The following WDPCP variants were observed in gnomAD, a reference collection of about 807,000 sequenced individuals.
WDPCP encodes the protein WD repeat containing planar cell polarity effector, also known as WD repeat-containing and planar cell polarity effector protein fritz homolog.
WDPCP carries 71 observed loss-of-function variants against 93.1 expected under a neutral mutation model. The observed-to-expected ratio is 0.76, with a 90% CI of 0.63 to 0.93. The LOEUF is 0.93. Among genes scored for constraint, WDPCP ranks in the 40% least tolerant of loss-of-function variants. WDPCP has a pLI of 0.00. For missense variants in WDPCP, 844 were observed against 887.4 expected, an observed-to-expected ratio of 0.95 and a Z score of 0.62; for synonymous variants, 315 against 315.0, an observed-to-expected ratio of 1.00 and a Z score of 0.00.
At chr2:63,443,964 A>G (rs1158356491) in intron 6 of WDPCP, among the ~76,000 whole-genome samples, 1 of 152,176 alleles carries the variant, frequency 6.6e-6, no homozygotes, top group African/African-American at 2.4e-5. Flanking sequence ...AGTTTAAAGT[A>G]TTTATGGACA....
chr2:63,824,956 C>A (rs1273963761), intron 1 of WDPCP, among the ~76,000 whole-genome samples: 1 of 151,980 alleles, frequency 6.6e-6, no homozygotes, highest in Non-Finnish European at 1.5e-5. Flanking sequence ...ATAATAAAAA[C>A]GTGAAAGCTG....
At chr2:63,517,885 T>C (rs1359938815) in intron 1 of WDPCP, 1 of 152,274 alleles carries the variant, frequency 6.6e-6, no homozygotes, top group Non-Finnish European at 1.5e-5. Flanking sequence ...TTCTTTCTTT[T>C]CTTTTTGTTT....
intron 2 of WDPCP, among the ~76,000 whole-genome samples, chr2:63,666,095 T>C (rs1005147276): frequency 6.6e-6 from 1 of 152,220 alleles, no homozygotes; most frequent in Non-Finnish European, 1.5e-5. Context: ...TGTTTCAAAA[T>C]GAAGACATAA....
At chr2:63,540,429 T>C (rs1282957399) in intron 1 of WDPCP, among the ~76,000 whole-genome samples, 1 of 152,132 alleles carries the variant, frequency 6.6e-6, no homozygotes, top group African/African-American at 2.4e-5. Context: ...CCTCCTCTCA[T>C]GGTGGGATAA....
At chr2:63,509,579 C>A (rs1182043403) in intron 1 of WDPCP, among the ~76,000 whole-genome samples, 2 of 152,034 alleles carry the variant, frequency 1.3e-5, no homozygotes, top group African/African-American at 4.8e-5. Flanking sequence ...TAACTAAGAT[C>A]AGAGCAGAAT....
chr2:63,206,892 G>C (rs1295633096), intron 14 of WDPCP, among the ~76,000 whole-genome samples: 1 of 152,132 alleles, frequency 6.6e-6, no homozygotes, highest in Non-Finnish European at 1.5e-5. Context: ...GAATACTTCA[G>C]TAGTGTTGAC....
intron 2 of WDPCP, among the ~76,000 whole-genome samples, chr2:63,672,625 T>C (rs1475906496): frequency 2.0e-5 from 3 of 151,932 alleles, no homozygotes; most frequent in Non-Finnish European, 2.9e-5. Context: ...TTTTATTTTA[T>C]TTCATTTTTA....
intron 6 of WDPCP, among the ~76,000 whole-genome samples, chr2:63,458,493 T>G (rs1698791381): frequency 6.6e-6 from 1 of 152,032 alleles, no homozygotes; most frequent in African/African-American, 2.4e-5. Flanking sequence ...TCATTTACAG[T>G]AACTACAAAA....
intron 14 of WDPCP, among the ~76,000 whole-genome samples, chr2:63,183,654 A>G (rs1406997924): frequency 6.6e-6 from 1 of 152,002 alleles, no homozygotes; most frequent in Non-Finnish European, 1.5e-5. Context: ...ATTTGGTCTC[A>G]AGATCAATTT....
At chr2:63,418,370 A>G (rs1389118828) in intron 9 of WDPCP, among the ~76,000 whole-genome samples, 2 of 152,220 alleles carry the variant, frequency 1.3e-5, no homozygotes, top group Admixed American at 6.5e-5. Context: ...TCTGAACAAA[A>G]GCACAAAGGA....
chr2:63,227,558 T>C (rs1327873690), intron 14 of WDPCP, among the ~76,000 whole-genome samples: 1 of 151,856 alleles, frequency 6.6e-6, no homozygotes, highest in Non-Finnish European at 1.5e-5. Context: ...TGGTAAAAAA[T>C]ATGGGAAATG....
At chr2:63,830,279 C>A, upstream of WDPCP, among the ~76,000 whole-genome samples, 1 of 152,090 alleles carries the variant, frequency 6.6e-6, no homozygotes, top group East Asian at 1.9e-4. Flanking sequence ...ACACCTTCAA[C>A]AGATCTTTAC....
chr2:63,582,477 C>T (rs990889505), intron 1 of WDPCP, among the ~76,000 whole-genome samples: 2 of 151,988 alleles, frequency 1.3e-5, no homozygotes, highest in African/African-American at 2.4e-5. Context: ...GCGCAAGAAT[C>T]GAAGAGCACA....
At chr2:63,751,157 G>A (rs1366360695) in intron 2 of WDPCP, among the ~76,000 whole-genome samples, 2 of 152,194 alleles carry the variant, frequency 1.3e-5, no homozygotes, top group African/African-American at 2.4e-5. Flanking sequence ...GACTATTAAT[G>A]TTTTTGTTTA....
At chr2:63,649,009 T>C (rs1286049603) in intron 3 of WDPCP, among the ~76,000 whole-genome samples, 2 of 152,228 alleles carry the variant, frequency 1.3e-5, no homozygotes, top group Admixed American at 6.5e-5. Context: ...CACAACTTTT[T>C]TTTCTTTGAT....
intron 14 of WDPCP, among the ~76,000 whole-genome samples, chr2:63,225,066 AAAAG>A (rs768349116): frequency 2.0e-5 from 3 of 151,734 alleles, no homozygotes; most frequent in Non-Finnish European, 4.4e-5. Context: ...TAAAAAAAAA[AAAAG>A]AAACCTATTA....
intron 13 of WDPCP, among the ~76,000 whole-genome samples, chr2:63,265,310 T>A (rs1682005521): frequency 6.6e-6 from 1 of 151,724 alleles, no homozygotes; most frequent in South Asian, 2.1e-4. Flanking sequence ...AAGAGAAGAT[T>A]CAAATAAAAT....
intron 2 of WDPCP, among the ~76,000 whole-genome samples, chr2:63,711,076 A>G (rs999849930): frequency 6.6e-6 from 1 of 152,226 alleles, no homozygotes; most frequent in Non-Finnish European, 1.5e-5. Context: ...AAGGTATTAC[A>G]TCTTCATCCT....
chr2:63,486,174 A>G (rs148304074), intron 4 of WDPCP, among the ~76,000 whole-genome samples: 484 of 151,970 alleles, frequency 3.2e-3, no homozygotes, highest in African/African-American at 0.011. Context: ...GCTAATACTG[A>G]TATTACAAAT....
Sources: allele counts gnomAD v4.1 joint callset (sites outside exome capture counted in the v4.1 genomes callset), GRCh38; gene constraint gnomAD v4.1.1; transcripts MANE v1.5; gene names NCBI Gene and HGNC (gene_info 2026-07-23, HGNC 2026-07-21).